Variants in UGP2 observed in about 807,000 individuals in gnomAD.
UGP2 encodes UTP--glucose-1-phosphate uridylyltransferase.
Under a neutral mutation model 49.0 loss-of-function variants are expected in UGP2, and 40 were observed. The ratio of observed to expected loss-of-function variants is 0.82; its 90% CI spans 0.63 to 1.06. The LOEUF (loss-of-function observed/expected upper bound fraction) is 1.06, where lower values mean the gene tolerates loss of function less well. Among genes scored for constraint, UGP2 ranks in the 50% least tolerant of loss-of-function variants. The pLI, the probability that UGP2 is intolerant of heterozygous loss-of-function variation, is 0.00. For missense variants in UGP2, 460 were observed against 603.5 expected (o/e 0.76, Z 2.49); for synonymous variants, 225 against 213.0 (o/e 1.06, Z -0.49).
In UGP2 at chr2:63,891,037, G is replaced by T. The variant is rs531768688; in HGVS notation, c.1420-83G>T. On this transcript the variant is annotated intron_variant, in intron 9 of 9. Coordinates refer to ENST00000337130, the MANE Select transcript of UGP2 (RefSeq NM_006759.4). ...GTTACTTCACTGTAAAAAAAAAAAA[G>T]TTGTACATAAACTTGATCACTGTAA... The T allele has an allele frequency of 4.4e-5, 46 of 1,054,150 alleles. No homozygotes were observed. In the African/African-American group the frequency reaches 5.8e-4, roughly 13 times the overall value. The allele number at this position is 1,054,150 out of a possible 1,614,324, so 65.3% of individuals were successfully genotyped here. A position where few individuals can be genotyped will look rare whatever the true frequency, so the allele number is the denominator to read the frequency against.
At chr2:63,877,078 A>G (rs1011341436) in intron 3 of UGP2, among the ~76,000 whole-genome samples, 2 of 152,252 alleles carry the variant, frequency 1.3e-5, no homozygotes, top group African/African-American at 4.8e-5. Context: ...TTACAGTTCT[A>G]TTTAGAAATT....
chr2:63,868,689 C>T (rs998687677), intron 3 of UGP2, among the ~76,000 whole-genome samples: 5 of 152,122 alleles, frequency 3.3e-5, no homozygotes, highest in East Asian at 3.8e-4. Flanking sequence ...TCAGGCTGGG[C>T]GCGGTAGCTC....
In UGP2 at chr2:63,856,392, C is replaced by CT. The variant is rs1669417819; in HGVS notation, c.107dup (p.Glu37ArgfsTer11). Reference sequence around the variant, plus strand: ...GCTAGAATTATCTGTGAAGAAGGAACTAGAAAAAATACTCACCACAGCATC... The same window carrying CT: ...GCTAGAATTATCTGTGAAGAAGGAACTTAGAAAAAATACTCACCACAGCATC... On this transcript the variant is annotated frameshift_variant, in exon 2 of 10. Transcript: ENST00000337130. LOFTEE classifies it high-confidence loss of function. 1 of 1,613,276 alleles carries CT rather than the reference C, an allele frequency of 6.2e-7. No individual in the cohort carries two copies. The highest frequency in any genetic ancestry group is 8.5e-7 in the Non-Finnish European group (1 of 1,179,958).
chr2:63,842,601 T>TA, intron 1 of UGP2: 1 of 1,461,010 alleles, frequency 6.8e-7, no homozygotes, highest in Non-Finnish European at 9.0e-7. Context: ...AAAAGCCGGG[T>TA]GGGTTTTGCC....
At chr2:63,842,284 T>C in intron 1 of UGP2, 80 bp downstream of exon 1, 3 of 1,608,312 alleles carry the variant, frequency 1.9e-6, no homozygotes, top group Middle Eastern at 1.7e-4. Context: ...GTGGGTGGTT[T>C]GGAAGTGGAA....
In UGP2 at chr2:63,890,064, T is replaced by G. The variant is rs760357210; in HGVS notation, c.1315-17T>G. 9 of 1,574,982 alleles carry G rather than the reference T, an allele frequency of 5.7e-6. No individual in the cohort carries two copies. In the Admixed American group the frequency reaches 9.4e-5, roughly 16 times the overall value. ...ACCCATTTGAGACAAATTTTTATGTTTCTCCTTTTCTGTAAGGTTCAAGAT... is the reference window on the plus strand; with the variant it reads ...ACCCATTTGAGACAAATTTTTATGTGTCTCCTTTTCTGTAAGGTTCAAGAT... On this transcript the variant is annotated splice_polypyrimidine_tract_variant and intron_variant, in intron 8 of 9. Transcript: ENST00000337130.
At chr2:63,843,110 T>C (rs1346527789) in intron 1 of UGP2, among the ~76,000 whole-genome samples, 3 of 152,130 alleles carry the variant, frequency 2.0e-5, no homozygotes, top group African/African-American at 4.8e-5. Flanking sequence ...AGGTGTACTT[T>C]TGGAAAAAAA....
Position 63,855,469 on chromosome 2 carries a change from G to T in UGP2, c.20-837G>T, listed in dbSNP as rs544693386. On this transcript the variant is annotated intron_variant, in intron 1 of 9. Transcript: ENST00000337130. The stretch of plus-strand genomic sequence containing the variant: ...TTCTAGATAAAGTATAAAACAGCCT[G>T]TGTTGGTATTTTTCTGCCAAAGTGT... 4.5e-5 allele frequency: 20 copies of T among 444,060 alleles called. No homozygotes were observed. The Admixed American group carries it at 4.8e-4, about 11-fold the overall frequency. 27.5% of individuals were successfully genotyped at this position (444,060 alleles called of 1,614,324 possible).
chr2:63,873,489 G>C (rs1670700566), intron 3 of UGP2, among the ~76,000 whole-genome samples: 1 of 152,018 alleles, frequency 6.6e-6, no homozygotes, highest in Non-Finnish European at 1.5e-5. Context: ...TTGTTTTTTT[G>C]GGGGTGGTGA....
chr2:63,850,952 A>G (rs1402530015), intron 1 of UGP2, among the ~76,000 whole-genome samples: 1 of 152,194 alleles, frequency 6.6e-6, no homozygotes, highest in Admixed American at 6.5e-5. Context: ...TGTGTTTGGC[A>G]GTGGGAATAC....
intron 3 of UGP2, among the ~76,000 whole-genome samples, chr2:63,881,421 G>C (rs1671303772): frequency 6.6e-6 from 1 of 151,732 alleles, no homozygotes; most frequent in Non-Finnish European, 1.5e-5. Flanking sequence ...CATCCACAAA[G>C]CACTTAAGGG....
At chr2:63,842,675 T>A in intron 1 of UGP2, 1 of 1,338,380 alleles carries the variant, frequency 7.5e-7, no homozygotes, top group Non-Finnish European at 9.7e-7. Flanking sequence ...GTGGTTTGCG[T>A]CTCAGATTCA....
chr2:63,847,140 A>G (rs888864634), intron 1 of UGP2, among the ~76,000 whole-genome samples: 17 of 152,228 alleles, frequency 1.1e-4, no homozygotes, highest in African/African-American at 4.1e-4. Flanking sequence ...AAGGGACATT[A>G]GAGAAATTAG....
At chr2:63,889,817 T>TA (rs35619911) in intron 8 of UGP2, 11,264 of 235,296 alleles carry the variant, frequency 0.048, 83 homozygotes, top group Non-Finnish European at 0.052. Flanking sequence ...TGATTATCTT[T>TA]AAAAAAAAAA....
intron 8 of UGP2, chr2:63,888,907 G>T (rs1370136821): frequency 2.0e-5 from 3 of 152,242 alleles, no homozygotes; most frequent in Non-Finnish European, 1.5e-5. Flanking sequence ...TCAATGAAAT[G>T]TGACACTGTG....
At chr2:63,889,382 AAAC>A (rs1263817840) in intron 8 of UGP2, 8 of 152,114 alleles carry the variant, frequency 5.3e-5, no homozygotes, top group African/African-American at 1.7e-4. Context: ...AGAGTTGCTG[AAAC>A]AACACTTGAT....
intron 3 of UGP2, among the ~76,000 whole-genome samples, chr2:63,858,665 G>A (rs1669618972): frequency 6.6e-6 from 1 of 151,574 alleles, no homozygotes; most frequent in African/African-American, 2.4e-5. Context: ...GTCTATTTTG[G>A]TCTTTAATTT....
At chr2:63,859,716 T>C (rs944662746) in intron 3 of UGP2, among the ~76,000 whole-genome samples, 2 of 152,250 alleles carry the variant, frequency 1.3e-5, no homozygotes, top group Admixed American at 1.3e-4. Context: ...TAACATGATT[T>C]TATGCCGTCT....
chr2:63,857,556 G>C (rs1049513706), intron 2 of UGP2: 2 of 486,736 alleles, frequency 4.1e-6, no homozygotes, highest in African/African-American at 2.0e-5. Context: ...GTAGACACCG[G>C]GTTTTGCCAT....
Sources: gnomAD v4.1 joint callset for allele counts (sites outside exome capture counted in the v4.1 genomes callset) on GRCh38, gnomAD v4.1.1 for gene constraint, MANE v1.5 for transcripts, NCBI Gene and HGNC (gene_info 2026-07-23, HGNC 2026-07-21) for gene names.